The following ZC3H12B variants were observed in gnomAD, a reference collection of about 807,000 sequenced individuals.
ZC3H12B encodes the protein zinc finger CCCH-type containing 12B.
A neutral mutation model predicts 43.9 loss-of-function variants in ZC3H12B; 7 were observed. That is an observed-to-expected ratio of 0.16 (90% CI 0.09 to 0.30). The LOEUF is 0.30. ZC3H12B is among the 10% of genes least tolerant of loss of function. The pLI is 1.00. For synonymous variants in ZC3H12B, 222 were observed against 241.7 expected (o/e 0.92, Z 0.76); for missense variants, 475 against 670.2 (o/e 0.71, Z 3.22).
the ZC3H12B span, among the ~76,000 whole-genome samples, chrX:65,094,055 A>G: frequency 9.1e-6 from 1 of 110,402 alleles, no homozygotes; most frequent in Admixed American, 9.6e-5. Context: ...TTCTCATGAC[A>G]GAGTTCTCAT....
chrX:65,168,599 A>T, the ZC3H12B span, among the ~76,000 whole-genome samples: 115 of 111,278 alleles, frequency 1.0e-3, no homozygotes, highest in Non-Finnish European at 1.8e-3. Flanking sequence ...TGTTTGGAAC[A>T]GTTTCAGAAG....
intron 3 of ZC3H12B, among the ~76,000 whole-genome samples, chrX:65,407,209 G>A (rs1169898488): frequency 8.9e-6 from 1 of 112,931 alleles, no homozygotes; most frequent in African/African-American, 3.2e-5. Flanking sequence ...GGTCCGGAGC[G>A]GCCGGGCCGG....
rs1038270399 is a variant in ZC3H12B at position 65,404,560 on chromosome X, T to C, written n.407+5856T>C. On this transcript the variant is annotated intron_variant and non_coding_transcript_variant, in intron 3 of 5. Transcript: ENST00000617377. ...AAATGATCAGGAGTAGCTATACTTA[T>C]ATCAAACAAAATAGATTTCAGGACA... is the stretch of plus-strand genomic sequence containing the variant. Among the ~76,000 whole-genome samples the C allele has an allele frequency of 2.7e-5, 3 of 111,787 alleles. No individual in the cohort carries two copies. In the East Asian group the frequency reaches 8.3e-4, roughly 31 times the overall value.
the ZC3H12B span, among the ~76,000 whole-genome samples, chrX:65,167,294 T>C: frequency 4.5e-5 from 5 of 112,197 alleles, no homozygotes; most frequent in Admixed American, 3.8e-4. Flanking sequence ...ATTTATTAAA[T>C]AGGGAATCCT....
At chrX:65,337,242 A>T in the ZC3H12B span, among the ~76,000 whole-genome samples, 1 of 111,817 alleles carries the variant, frequency 8.9e-6, no homozygotes, top group African/African-American at 3.3e-5. Context: ...TCTCCTCAGT[A>T]TCGTCCCTTT....
At chrX:65,165,153 T>G in the ZC3H12B span, among the ~76,000 whole-genome samples, 1 of 112,365 alleles carries the variant, frequency 8.9e-6, no homozygotes, top group East Asian at 2.8e-4. Context: ...CCCAAACTCC[T>G]GAAATAAATA....
the ZC3H12B span, among the ~76,000 whole-genome samples, chrX:65,118,224 C>A: frequency 9.0e-6 from 1 of 111,497 alleles, no homozygotes; most frequent in Admixed American, 9.5e-5. Flanking sequence ...TGTTTGTGTC[C>A]TCTTTGATTT....
the ZC3H12B span, among the ~76,000 whole-genome samples, chrX:65,138,644 A>C: frequency 9.0e-6 from 1 of 111,318 alleles, no homozygotes; most frequent in Non-Finnish European, 1.9e-5. Context: ...TTTATTTTTA[A>C]TTTTTCGAAG....
chrX:65,160,911 T>G, the ZC3H12B span, among the ~76,000 whole-genome samples: 1 of 111,350 alleles, frequency 9.0e-6, no homozygotes, highest in South Asian at 3.9e-4. Context: ...GCTATAAATT[T>G]CCCTCTACAC....
chrX:65,274,548 C>G, the ZC3H12B span, among the ~76,000 whole-genome samples: 1 of 109,777 alleles, frequency 9.1e-6, no homozygotes, highest in Non-Finnish European at 1.9e-5. Flanking sequence ...ACACTTCTAT[C>G]AAGAGCTGCA....
At position 65,498,772 on chromosome X, in the gene ZC3H12B, C is replaced by A. The variant is rs749353524; in HGVS notation, c.749-227C>A. On this transcript the variant is annotated intron_variant, in intron 2 of 4. Coordinates refer to ENST00000338957, the Ensembl canonical transcript of ZC3H12B. ...TTTTAAAACTCAAATGTCATTGAAT[C>A]CAGTTCCTTCATTTTATCAAAAAGA... Among the ~76,000 whole-genome samples, 128 of 112,083 alleles carry A rather than the reference C, an allele frequency of 1.1e-3. 2 individuals carry two copies. Among genetic ancestry groups the A allele is most frequent in the African/African-American group, 4.0e-3 (123 of 30,925 alleles).
chrX:65,065,570 TA>T, the ZC3H12B span, among the ~76,000 whole-genome samples: 1 of 111,642 alleles, frequency 9.0e-6, no homozygotes, highest in Non-Finnish European at 1.9e-5. Context: ...TCTCTGCCCT[TA>T]ACAATTTTTC....
chrX:65,114,159 C>A, the ZC3H12B span, among the ~76,000 whole-genome samples: 1 of 105,387 alleles, frequency 9.5e-6, no homozygotes, highest in Non-Finnish European at 2.0e-5. Flanking sequence ...AGTTTATTTG[C>A]CAGTAGTCTG....
intron 3 of ZC3H12B, among the ~76,000 whole-genome samples, chrX:65,457,362 G>C (rs1191587857): frequency 2.3e-5 from 1 of 42,717 alleles, no homozygotes; most frequent in Non-Finnish European, 3.6e-5. Flanking sequence ...CAGGAGGTGA[G>C]GGGCGCCTCT....
At chrX:65,086,959 G>A in the ZC3H12B span, among the ~76,000 whole-genome samples, 1 of 110,014 alleles carries the variant, frequency 9.1e-6, no homozygotes, top group African/African-American at 3.3e-5. Context: ...CTCTGCTTGG[G>A]CTCTAATACC....
At chrX:65,350,482 T>C in the ZC3H12B span, among the ~76,000 whole-genome samples, 1 of 111,160 alleles carries the variant, frequency 9.0e-6, no homozygotes, top group Non-Finnish European at 1.9e-5. Context: ...GCCAGGGCAA[T>C]CAGGCAAGAG....
chrX:65,360,403 C>A, the ZC3H12B span, among the ~76,000 whole-genome samples: 1 of 112,103 alleles, frequency 8.9e-6, no homozygotes, highest in South Asian at 3.7e-4. Flanking sequence ...TTTGAATAGA[C>A]ACTTCACCAT....
chrX:65,482,485 A>G (rs2068076066), intron 3 of ZC3H12B, among the ~76,000 whole-genome samples: 1 of 112,152 alleles, frequency 8.9e-6, no homozygotes, highest in African/African-American at 3.2e-5. Flanking sequence ...CCTGTAGCAT[A>G]TGTAGCTTCT....
At chrX:65,192,690 A>T in the ZC3H12B span, among the ~76,000 whole-genome samples, 11 of 111,523 alleles carry the variant, frequency 9.9e-5, no homozygotes, top group East Asian at 2.0e-3. Context: ...CCTCCCTAGG[A>T]TAAATCCCAC....
Sources: gnomAD v4.1 joint callset for allele counts (sites outside exome capture counted in the v4.1 genomes callset) on GRCh38, gnomAD v4.1.1 for gene constraint, MANE v1.5 for transcripts, NCBI Gene and HGNC (gene_info 2026-07-23, HGNC 2026-07-21) for gene names.